The following ZNF430 variants were observed in gnomAD, a reference collection of about 807,000 sequenced individuals.
ZNF430 encodes zinc finger protein 430.
In ZNF430, 35 loss-of-function variants were observed where a neutral mutation model predicts 56.7. That is an observed-to-expected ratio of 0.62 (90% CI 0.47 to 0.82). The LOEUF (loss-of-function observed/expected upper bound fraction) is 0.82, where lower values mean the gene tolerates loss of function less well. Ranked by LOEUF, ZNF430 falls within the 40% of genes least tolerant of loss-of-function variation. The pLI is 0.00. For missense variants in ZNF430, 574 were observed against 661.0 expected (o/e 0.87, Z 1.44); for synonymous variants, 212 against 224.3 (o/e 0.94, Z 0.49).
intron 2 of ZNF430, among the ~76,000 whole-genome samples, chr19:21,027,100 T>C (rs1340970398): frequency 2.0e-5 from 3 of 152,116 alleles, no homozygotes; most frequent in Admixed American, 6.6e-5. Context: ...AGTGCTGGGA[T>C]TACAGGCGTG....
chr19:21,022,616 G>A (rs1236662072), intron 1 of ZNF430, among the ~76,000 whole-genome samples, 173 bp from the exon 2 acceptor site: 1 of 152,072 alleles, frequency 6.6e-6, no homozygotes, highest in Non-Finnish European at 1.5e-5. Flanking sequence ...GGATGTTTTT[G>A]GGTCAGGGTT....
At chr19:21,043,866 A>C (rs1968147163) in intron 4 of ZNF430, among the ~76,000 whole-genome samples, 1 of 151,376 alleles carries the variant, frequency 6.6e-6, no homozygotes, top group Admixed American at 6.6e-5. Flanking sequence ...TTGTGGATGG[A>C]GGTTCGTTCA....
intron 4 of ZNF430, among the ~76,000 whole-genome samples, chr19:21,044,023 C>T (rs1347168367): frequency 6.7e-6 from 1 of 150,280 alleles, no homozygotes; most frequent in Non-Finnish European, 1.5e-5. Flanking sequence ...GATATGGGAT[C>T]ATGTCATCTG....
intron 2 of ZNF430, chr19:21,025,895 C>T: frequency 2.6e-6 from 1 of 387,078 alleles, no homozygotes; most frequent in Non-Finnish European, 4.8e-6. Context: ...TTCATCTTGT[C>T]TTTCTGCAGC....
At position 21,056,581 on chromosome 19, in the gene ZNF430, T is replaced by C. The variant is rs750623735; in HGVS notation, c.323-50T>C. ...ATATGGGTTAGATTTGTAAAGCATA[T>C]TCATCTGAGTCTAGTAAATGGAGTA... is the stretch of plus-strand genomic sequence containing the variant. On this transcript the variant is annotated intron_variant, in intron 4 of 4. Coordinates refer to ENST00000261560, the MANE Select transcript of ZNF430 (RefSeq NM_025189.4). The C allele has an allele frequency of 3.6e-5, 48 of 1,325,812 alleles. 1 individual carries two copies. The Middle Eastern group carries it at 1.7e-3, about 47-fold the overall frequency. The allele number at this position is 1,325,812 out of a possible 1,614,324, so 82.1% of individuals were successfully genotyped here.
At chr19:21,024,942 C>G (rs1967765437) in intron 2 of ZNF430, among the ~76,000 whole-genome samples, 1 of 152,040 alleles carries the variant, frequency 6.6e-6, no homozygotes, top group South Asian at 2.1e-4. Flanking sequence ...GTTCAGGAGC[C>G]TGTGAAAAAT....
At chr19:21,053,064 C>T (rs940317082) in intron 4 of ZNF430, among the ~76,000 whole-genome samples, 1 of 152,080 alleles carries the variant, frequency 6.6e-6, no homozygotes, top group African/African-American at 2.4e-5. Flanking sequence ...TGTTGCAGCC[C>T]AAAATGCATC....
chr19:21,057,217 C>G lies in ZNF430; in HGVS notation c.909C>G (p.His303Gln). The change falls in exon 5 of 5, where the codon CAC (histidine) becomes CAG (glutamine). Residue 303 changes from histidine to glutamine, a missense_variant. His to Gln is a conservative substitution (Grantham distance 24). Around this residue, in one of 3 missense-constraint regions of ZNF430, gnomAD observed 346 missense variants for 399.1 expected, o/e 0.87. Transcript: ENST00000261560. ...ECGKTFNRSS[H>Q]LTTHKRIHTG... ...GCAAAACCTTTAACCGGTCCTCACA[C>G]CTTACTACACATAAAAGAATTCATA... The G allele has an allele frequency of 6.2e-7, 1 of 1,613,580 alleles. No individual in the cohort carries two copies. The highest frequency in any genetic ancestry group is 8.5e-7 in the Non-Finnish European group (1 of 1,179,892).
intron 2 of ZNF430, 59 bp from the exon 3 acceptor site, chr19:21,033,397 A>G (rs1461339534): frequency 6.4e-7 from 1 of 1,554,762 alleles, no homozygotes; most frequent in Admixed American, 2.0e-5. Flanking sequence ...TCAAATAATA[A>G]ATTCTGCCCG....
chr19:21,020,700 C>T lies in ZNF430; in HGVS notation c.-101C>T, dbSNP rs1314582469. 4 of 1,540,932 alleles carry T rather than the reference C, an allele frequency of 2.6e-6. No individual in the cohort carries two copies. Among genetic ancestry groups the T allele is most frequent in the African/African-American group, 1.4e-5 (1 of 73,204 alleles). On this transcript the variant is annotated 5_prime_UTR_variant, in exon 1 of 5. Coordinates refer to ENST00000261560, the MANE Select transcript of ZNF430 (RefSeq NM_025189.4). ...AGCTCCAGGTCTCGTCTTCAGCGCT[C>T]TGTGTCCTCTGCTCCTAGAGGTCCA...
chr19:21,035,316 A>T (rs1967976276), intron 4 of ZNF430: 1 of 152,036 alleles, frequency 6.6e-6, no homozygotes, highest in South Asian at 2.1e-4. Flanking sequence ...GCTATTTTAA[A>T]TTGTTTTCTT....
At chr19:21,026,258 A>G (rs866796977) in intron 2 of ZNF430, among the ~76,000 whole-genome samples, 1 of 149,910 alleles carries the variant, frequency 6.7e-6, no homozygotes, top group Admixed American at 6.7e-5. Flanking sequence ...GCACGATCTC[A>G]GCTCACTGCA....
intron 4 of ZNF430, among the ~76,000 whole-genome samples, chr19:21,041,712 G>A (rs1168001171): frequency 4.8e-5 from 1 of 20,698 alleles, no homozygotes; most frequent in African/African-American, 2.5e-4. Flanking sequence ...GTCCATGTTT[G>A]TTTTTGTTTT....
intron 4 of ZNF430, among the ~76,000 whole-genome samples, chr19:21,041,147 A>G (rs1460981496): frequency 6.6e-6 from 1 of 151,932 alleles, no homozygotes; most frequent in Non-Finnish European, 1.5e-5. Context: ...TCTATTTTTG[A>G]GATAGAGTCT....
chr19:21,024,219 A>G (rs1305175089), intron 2 of ZNF430, among the ~76,000 whole-genome samples: 1 of 152,192 alleles, frequency 6.6e-6, no homozygotes, highest in Admixed American at 6.5e-5. Context: ...GAGAAGCTAC[A>G]GAGTCCTGGA....
intron 4 of ZNF430, among the ~76,000 whole-genome samples, chr19:21,044,837 ACTT>A (rs778249671): frequency 1.6e-4 from 25 of 151,992 alleles, no homozygotes; most frequent in Admixed American, 7.2e-4. Flanking sequence ...TAATTTATCT[ACTT>A]CTTCTAGCTT....
chr19:21,053,817 G>A (rs1968325037), intron 4 of ZNF430, among the ~76,000 whole-genome samples: 1 of 152,056 alleles, frequency 6.6e-6, no homozygotes, highest in South Asian at 2.1e-4. Context: ...TTTTATTGTT[G>A]TATTTGATTC....
chr19:21,054,000 A>G (rs1968328349), intron 4 of ZNF430, among the ~76,000 whole-genome samples: 1 of 152,150 alleles, frequency 6.6e-6, no homozygotes, highest in Non-Finnish European at 1.5e-5. Flanking sequence ...TCAGTCTGGT[A>G]AAAAGAAAAA....
At position 21,056,963 on chromosome 19, in the gene ZNF430, C is replaced by G; in HGVS notation, c.655C>G (p.His219Asp). Reference protein sequence around the residue: ...KCDKSFCMLLHLTQHKRIHIR... With the variant: ...KCDKSFCMLLDLTQHKRIHIR... Reference sequence around the variant, plus strand: ...TGACAAATCGTTTTGCATGCTTTTACACCTAACTCAACATAAAAGAATTCA... The same window carrying G: ...TGACAAATCGTTTTGCATGCTTTTAGACCTAACTCAACATAAAAGAATTCA... The change falls in exon 5 of 5, where the codon CAC (histidine) becomes GAC (aspartate). Residue 219 changes from histidine to aspartate, a missense_variant. Physicochemically the swap from His to Asp is moderately conservative, Grantham distance 81 (BLOSUM62 -1). This residue lies in a region of ZNF430 where 346 missense variants were observed against 399.1 expected (regional missense o/e 0.87). Coordinates refer to ENST00000261560, the MANE Select transcript of ZNF430 (RefSeq NM_025189.4). 1 of 1,613,878 alleles carries G rather than the reference C, an allele frequency of 6.2e-7. No individual in the cohort carries two copies. The highest frequency in any genetic ancestry group is 8.5e-7 in the Non-Finnish European group (1 of 1,179,864).
Sources: gnomAD v4.1 joint callset for allele counts (sites outside exome capture counted in the v4.1 genomes callset) on GRCh38, gnomAD v4.1.1 for gene constraint, gnomAD v4.1.1 regional missense constraint, MANE v1.5 for transcripts, NCBI Gene and HGNC (gene_info 2026-07-23, HGNC 2026-07-21) for gene names.